Variants in TCF20 observed in about 807,000 individuals in gnomAD.
The protein encoded by TCF20 is SPRE-binding protein.
TCF20 carries 3 observed loss-of-function variants against 148.6 expected under a neutral mutation model. The observed-to-expected ratio is 0.02, with a 90% CI of 0.01 to 0.05. The LOEUF (loss-of-function observed/expected upper bound fraction) is 0.05, where lower values mean the gene tolerates loss of function less well. Among genes scored for constraint, TCF20 ranks in the 10% least tolerant of loss-of-function variants. The pLI, the probability that TCF20 is intolerant of heterozygous loss-of-function variation, is 1.00. For synonymous variants in TCF20, 1,049 were observed against 909.5 expected (o/e 1.15, Z -2.76); for missense variants, 2,350 against 2,429.3 (o/e 0.97, Z 0.69).
chr22:42,312,105 G>A (rs1255565789), intron 1 of TCF20, among the ~76,000 whole-genome samples: 1 of 152,156 alleles, frequency 6.6e-6, no homozygotes, highest in Non-Finnish European at 1.5e-5. Context: ...GTAGTGATAG[G>A]GTATGTACTA....
chr22:42,191,125 T>C (rs1372769966), intron 2 of TCF20, among the ~76,000 whole-genome samples: 1 of 152,176 alleles, frequency 6.6e-6, no homozygotes, highest in African/African-American at 2.4e-5. Flanking sequence ...ATTAAAGCAT[T>C]ACTCAAGAAG....
chr22:42,189,835 C>T (rs138617367), intron 2 of TCF20, among the ~76,000 whole-genome samples: 159 of 152,228 alleles, frequency 1.0e-3, no homozygotes, highest in African/African-American at 3.7e-3. Flanking sequence ...TCAGATATTC[C>T]TTATCAGAAA....
At chr22:42,331,932 T>C (rs1022211395) in intron 1 of TCF20, among the ~76,000 whole-genome samples, 1 of 152,240 alleles carries the variant, frequency 6.6e-6, no homozygotes, top group Non-Finnish European at 1.5e-5. Flanking sequence ...GACAGATGGA[T>C]ATTCCTTCAT....
intron 2 of TCF20, among the ~76,000 whole-genome samples, chr22:42,204,182 T>G (rs1938230424): frequency 6.6e-6 from 1 of 152,240 alleles, no homozygotes; most frequent in African/African-American, 2.4e-5. Context: ...ATCCATTATT[T>G]AAACTTGTAT....
intron 1 of TCF20, among the ~76,000 whole-genome samples, chr22:42,257,628 A>C (rs1925810083): frequency 6.6e-6 from 1 of 152,204 alleles, no homozygotes; most frequent in Non-Finnish European, 1.5e-5. Context: ...CACAGCCCTG[A>C]CTATAAGGAC....
intron 1 of TCF20, among the ~76,000 whole-genome samples, chr22:42,269,315 G>A (rs978896502): frequency 1.3e-5 from 2 of 152,112 alleles, no homozygotes; most frequent in Non-Finnish European, 2.9e-5. Context: ...AAAGCAAAAA[G>A]GAAAAGGGGG....
intron 1 of TCF20, among the ~76,000 whole-genome samples, chr22:42,327,311 G>A (rs2147055678): frequency 6.6e-6 from 1 of 152,320 alleles, no homozygotes. Context: ...GGATCAGAAG[G>A]TGGAGCAGTG....
chr22:42,168,716 G>T lies in TCF20; in HGVS notation c.5820C>A (p.Leu1940=). 1 of 1,611,164 alleles carries T rather than the reference G, an allele frequency of 6.2e-7. No homozygotes were observed. The highest frequency in any genetic ancestry group is 8.5e-7 in the Non-Finnish European group (1 of 1,179,048). Residue 1940 remains leucine (L), a synonymous_variant, in exon 5 of 6, where the codon CTC becomes CTA. Transcript: ENST00000677622. ...PKHKPPLPCP[L]PPLQNKTAKG... Reference sequence around the variant, plus strand: ...TCGCGGTCTTGTTCTGCAAGGGGGGGAGAGGGCACGGAAGGGGAGGCTGAC... The same window carrying T: ...TCGCGGTCTTGTTCTGCAAGGGGGGTAGAGGGCACGGAAGGGGAGGCTGAC...
chr22:42,340,099 G>T (rs1928138213), intron 1 of TCF20, among the ~76,000 whole-genome samples: 1 of 152,160 alleles, frequency 6.6e-6, no homozygotes, highest in East Asian at 1.9e-4. Context: ...TGTAAGGAAA[G>T]GATGAACCTT....
intron 1 of TCF20, among the ~76,000 whole-genome samples, chr22:42,339,116 C>A (rs1315391565): frequency 1.3e-5 from 2 of 152,206 alleles, no homozygotes; most frequent in East Asian, 3.8e-4. Context: ...CCCAAAGAGT[C>A]CGGACCAAAG....
chr22:42,227,312 A>G (rs1221906279), intron 1 of TCF20, among the ~76,000 whole-genome samples: 3 of 152,136 alleles, frequency 2.0e-5, no homozygotes, highest in African/African-American at 7.2e-5. Context: ...CTTCAAATGT[A>G]CAGAAAAGTG....
At chr22:42,264,873 C>T (rs1055468158) in intron 1 of TCF20, among the ~76,000 whole-genome samples, 1 of 152,208 alleles carries the variant, frequency 6.6e-6, no homozygotes, top group Non-Finnish European at 1.5e-5. Context: ...TGCACGCGGA[C>T]CTTAATCCAC....
chr22:42,163,941 C>T (rs564193248), intron 5 of TCF20, among the ~76,000 whole-genome samples: 1 of 152,152 alleles, frequency 6.6e-6, no homozygotes, highest in Non-Finnish European at 1.5e-5. Context: ...TGGCCTCATC[C>T]GTGGCCTGAA....
intron 1 of TCF20, among the ~76,000 whole-genome samples, chr22:42,330,685 A>T (rs1332647309): frequency 6.6e-6 from 1 of 152,210 alleles, no homozygotes; most frequent in Admixed American, 6.5e-5. Context: ...ACACAGGGCC[A>T]TCGGGGTGGC....
intron 2 of TCF20, among the ~76,000 whole-genome samples, chr22:42,194,385 C>T (rs1257117614): frequency 6.6e-6 from 1 of 152,178 alleles, no homozygotes; most frequent in Non-Finnish European, 1.5e-5. Context: ...TGCTAAAACC[C>T]TCGCCCTGCC....
intron 1 of TCF20, among the ~76,000 whole-genome samples, chr22:42,255,723 A>G (rs1925704566): frequency 6.6e-6 from 1 of 152,108 alleles, no homozygotes; most frequent in South Asian, 2.1e-4. Context: ...AGAGGCCAAG[A>G]TGATCAATTC....
In TCF20 at chr22:42,214,466, A is replaced by G. The variant is rs1486490353; in HGVS notation, c.840T>C (p.Asn280=). 2 of 1,614,178 alleles carry G rather than the reference A, an allele frequency of 1.2e-6. No homozygotes were observed. The highest frequency in any genetic ancestry group is 1.6e-4 in the Middle Eastern group (1 of 6,062). ...SQYEGHNVGS[N]AQAYGTQSNY... is the part of the protein sequence containing the mutation. ...TGGATTGTGTTCCATAAGCCTGTGC[A>G]TTAGAACCCACATTGTGTCCTTCAT... is the stretch of plus-strand genomic sequence containing the variant. Residue 280 remains asparagine, a synonymous_variant, in exon 2 of 6, where the codon AAT becomes AAC. Transcript: ENST00000677622.
chr22:42,172,190 A>G (rs1432031971), intron 3 of TCF20, among the ~76,000 whole-genome samples: 2 of 152,224 alleles, frequency 1.3e-5, no homozygotes, highest in Non-Finnish European at 2.9e-5. Context: ...ACATGTCCAC[A>G]GGCCGTCAGG....
chr22:42,175,648 A>C (rs1185922447), intron 3 of TCF20, among the ~76,000 whole-genome samples: 1 of 151,580 alleles, frequency 6.6e-6, no homozygotes, highest in Non-Finnish European at 1.5e-5. Context: ...CCAACTGGTT[A>C]GCTCTTGAAA....
Sources: gnomAD v4.1 joint callset for allele counts (sites outside exome capture counted in the v4.1 genomes callset) on GRCh38, gnomAD v4.1.1 for gene constraint, MANE v1.5 for transcripts, NCBI Gene and HGNC (gene_info 2026-07-23, HGNC 2026-07-21) for gene names.